Variants in CHRDL1 observed in about 807,000 individuals in gnomAD.
CHRDL1 encodes the protein chordin-like protein 1.
Under a neutral mutation model 40.9 loss-of-function variants are expected in CHRDL1, and 19 were observed. That is an observed-to-expected ratio of 0.46 (90% CI 0.32 to 0.68). The LOEUF (loss-of-function observed/expected upper bound fraction) is 0.68, where lower values mean the gene tolerates loss of function less well. Among genes scored for constraint, CHRDL1 ranks in the 30% least tolerant of loss-of-function variants. The pLI is 0.03. For missense variants in CHRDL1, 329 were observed against 352.1 expected (o/e 0.93, Z 0.53); for synonymous variants, 136 against 123.4 (o/e 1.10, Z -0.68).
chrX:110,735,347 A>T (rs1424525577), intron 4 of CHRDL1, among the ~76,000 whole-genome samples: 1 of 112,065 alleles, frequency 8.9e-6, no homozygotes, highest in African/African-American at 3.2e-5. Context: ...ATAACTCAGC[A>T]TTTTCTCTGA....
At chrX:110,708,573 G>A (rs2070690332) in intron 6 of CHRDL1, among the ~76,000 whole-genome samples, 1 of 111,876 alleles carries the variant, frequency 8.9e-6, no homozygotes, top group Non-Finnish European at 1.9e-5. Context: ...ATAGCTCCTT[G>A]AGAAATACCA....
intron 2 of CHRDL1, among the ~76,000 whole-genome samples, chrX:110,771,732 C>A (rs2089763486): frequency 9.0e-6 from 1 of 111,580 alleles, no homozygotes; most frequent in African/African-American, 3.3e-5. Context: ...CACTTAATGG[C>A]AAGAGACTGC....
intron 9 of CHRDL1, 131 bp downstream of exon 9, chrX:110,688,463 G>A (rs2070071065): frequency 2.0e-6 from 1 of 499,009 alleles, no homozygotes; most frequent in African/African-American, 2.4e-5. Context: ...AAGAGAGAAT[G>A]AAATTCATTA....
At chrX:110,732,430 AACAG>A (rs1448432731) in intron 4 of CHRDL1, among the ~76,000 whole-genome samples, 1 of 112,093 alleles carries the variant, frequency 8.9e-6, no homozygotes, top group East Asian at 2.8e-4. Flanking sequence ...TCTGCAGCTA[AACAG>A]ACAGACACAA....
chrX:110,687,205 G>T (rs1005134489), intron 9 of CHRDL1, among the ~76,000 whole-genome samples: 2 of 111,753 alleles, frequency 1.8e-5, no homozygotes, highest in East Asian at 5.6e-4. Flanking sequence ...GCTCCTAGCT[G>T]TTGCCAGTCC....
At chrX:110,695,483 A>G (rs1460603206) in intron 7 of CHRDL1, among the ~76,000 whole-genome samples, 1 of 112,256 alleles carries the variant, frequency 8.9e-6, no homozygotes, top group Non-Finnish European at 1.9e-5. Context: ...CCCAGGAGCT[A>G]AAGTAGGCTG....
intron 2 of CHRDL1, among the ~76,000 whole-genome samples, chrX:110,763,335 C>A (rs773593790): frequency 1.0e-4 from 11 of 108,209 alleles, no homozygotes; most frequent in African/African-American, 3.7e-4. Context: ...GCCTTTACAT[C>A]CTCATAGCTT....
chrX:110,740,937 T>C (rs763994261), intron 4 of CHRDL1, among the ~76,000 whole-genome samples: 1 of 112,563 alleles, frequency 8.9e-6, no homozygotes. Context: ...CACATTACAA[T>C]GCAAGAGTTG....
chrX:110,743,976 T>C (rs915693582), intron 4 of CHRDL1, among the ~76,000 whole-genome samples: 9 of 111,390 alleles, frequency 8.1e-5, no homozygotes, highest in African/African-American at 2.9e-4. Context: ...TTTCTTTTGG[T>C]GGGGAGAGGA....
At chrX:110,742,976 G>A (rs781566253) in intron 4 of CHRDL1, among the ~76,000 whole-genome samples, 3 of 112,004 alleles carry the variant, frequency 2.7e-5, no homozygotes, top group Admixed American at 1.9e-4. Context: ...AGTATCCAGC[G>A]AATGGGATAA....
chrX:110,692,770 TG>T (rs781739564), intron 8 of CHRDL1, among the ~76,000 whole-genome samples: 93 of 112,391 alleles, frequency 8.3e-4, no homozygotes, highest in African/African-American at 2.9e-3. Flanking sequence ...TTATTTCGAA[TG>T]TTTTTTTAAG....
intron 10 of CHRDL1, among the ~76,000 whole-genome samples, chrX:110,681,018 T>C (rs994404003): frequency 8.9e-6 from 1 of 112,285 alleles, no homozygotes; most frequent in Non-Finnish European, 1.9e-5. Flanking sequence ...TTGAGCTTTA[T>C]TCTGGAAAGA....
intron 4 of CHRDL1, among the ~76,000 whole-genome samples, chrX:110,734,758 T>C (rs758417654): frequency 8.9e-6 from 1 of 112,199 alleles, no homozygotes; most frequent in African/African-American, 3.2e-5. Flanking sequence ...CAAATCTTCA[T>C]GTGAACTTGG....
At chrX:110,683,286 T>C (rs1055335834) in intron 9 of CHRDL1, among the ~76,000 whole-genome samples, 3 of 108,723 alleles carry the variant, frequency 2.8e-5, no homozygotes, top group Admixed American at 1.9e-4. Context: ...TCTTTAGAAC[T>C]ACCTACTTAG....
At chrX:110,730,450 A>G (rs2071138116) in intron 4 of CHRDL1, among the ~76,000 whole-genome samples, 1 of 111,768 alleles carries the variant, frequency 8.9e-6, no homozygotes, top group Non-Finnish European at 1.9e-5. Context: ...CTTTGGACTT[A>G]TTGAGCACCC....
chrX:110,781,883 C>A (rs946448720), intron 2 of CHRDL1, among the ~76,000 whole-genome samples: 1 of 112,118 alleles, frequency 8.9e-6, no homozygotes, highest in African/African-American at 3.2e-5. Flanking sequence ...ATTTCACTGA[C>A]ACTATTAAAT....
chrX:110,765,636 T>G (rs998419906), intron 2 of CHRDL1, among the ~76,000 whole-genome samples: 1 of 111,957 alleles, frequency 8.9e-6, no homozygotes, highest in African/African-American at 3.2e-5. Flanking sequence ...GGGTTCTCTA[T>G]TCTGTTCCAT....
At chrX:110,689,915 A>G (rs1324720236) in intron 8 of CHRDL1, among the ~76,000 whole-genome samples, 1 of 20,754 alleles carries the variant, frequency 4.8e-5, no homozygotes, top group Non-Finnish European at 8.1e-5. Context: ...CTATATATCT[A>G]TATATATCTA....
At chrX:110,745,470 C>T (rs2071434962) in intron 4 of CHRDL1, among the ~76,000 whole-genome samples, 1 of 111,703 alleles carries the variant, frequency 9.0e-6, no homozygotes, top group South Asian at 3.8e-4. Flanking sequence ...CCATACTCAA[C>T]TGCAGTCACG....
Sources: allele counts gnomAD v4.1 joint callset (sites outside exome capture counted in the v4.1 genomes callset), GRCh38; gene constraint gnomAD v4.1.1; transcripts MANE v1.5; gene names NCBI Gene and HGNC (gene_info 2026-07-23, HGNC 2026-07-21).